The following MAN1C1 variants were observed in gnomAD, a reference collection of about 807,000 sequenced individuals.
MAN1C1 encodes the protein mannosidase alpha class 1C member 1.
MAN1C1 carries 49 observed loss-of-function variants against 71.5 expected under a neutral mutation model. That is an observed-to-expected ratio of 0.69 (90% CI 0.54 to 0.87). The LOEUF is 0.87. MAN1C1 is among the 40% of genes least tolerant of loss of function. The pLI, the probability that MAN1C1 is intolerant of heterozygous loss-of-function variation, is 0.00. For synonymous variants in MAN1C1, 352 were observed against 343.7 expected, an observed-to-expected ratio of 1.02 and a Z score of -0.27; for missense variants, 743 against 835.0, an observed-to-expected ratio of 0.89 and a Z score of 1.36.
intron 1 of MAN1C1, among the ~76,000 whole-genome samples, chr1:25,619,016 AAGC>A (rs1410121984): frequency 6.6e-6 from 1 of 152,236 alleles, no homozygotes; most frequent in Admixed American, 6.5e-5. Flanking sequence ...TGGCATAATG[AAGC>A]AGATCTTGAG....
At chr1:25,702,690 T>C (rs1329632716) in intron 2 of MAN1C1, among the ~76,000 whole-genome samples, 2 of 152,154 alleles carry the variant, frequency 1.3e-5, no homozygotes, top group Non-Finnish European at 2.9e-5. Flanking sequence ...AAAATAGGAA[T>C]TATAGTACCT....
chr1:25,630,587 CTTG>C (rs1376458705), intron 1 of MAN1C1, among the ~76,000 whole-genome samples: 3 of 152,216 alleles, frequency 2.0e-5, no homozygotes, highest in African/African-American at 4.8e-5. Flanking sequence ...CCAGCAGTGT[CTTG>C]TTGTTCTCCT....
At chr1:25,641,145 T>C (rs1572113142) in intron 1 of MAN1C1, among the ~76,000 whole-genome samples, 1 of 152,192 alleles carries the variant, frequency 6.6e-6, no homozygotes, top group East Asian at 1.9e-4. Flanking sequence ...GAACAATGCT[T>C]CCTGGACAGA....
At chr1:25,716,453 C>T (rs2046682564) in intron 2 of MAN1C1, among the ~76,000 whole-genome samples, 1 of 152,200 alleles carries the variant, frequency 6.6e-6, no homozygotes, top group African/African-American at 2.4e-5. Flanking sequence ...CCACCTCAGC[C>T]TTCTGAGCAG....
chr1:25,727,239 C>A (rs921351572), intron 2 of MAN1C1, among the ~76,000 whole-genome samples: 3 of 152,110 alleles, frequency 2.0e-5, no homozygotes, highest in African/African-American at 7.2e-5. Flanking sequence ...CAACACTGCT[C>A]AGGGTGGGGA....
intron 7 of MAN1C1, among the ~76,000 whole-genome samples, chr1:25,770,923 A>G (rs1438004877): frequency 6.6e-6 from 1 of 152,206 alleles, no homozygotes; most frequent in African/African-American, 2.4e-5. Flanking sequence ...TTAATTTTCA[A>G]AGCCTGGGAG....
rs530494133 is a variant in MAN1C1 at position 25,731,819 on chromosome 1, A to G, written c.638-14849A>G. On this transcript the variant is annotated intron_variant, in intron 2 of 11. Coordinates refer to ENST00000374332, the MANE Select transcript of MAN1C1 (RefSeq NM_020379.4). Reference sequence around the variant, plus strand: ...GATTCGTCATGGCCTGATGGAGAGAAGGCCACCTGTCTGGCCTGTGGTCAT... The same window carrying G: ...GATTCGTCATGGCCTGATGGAGAGAGGGCCACCTGTCTGGCCTGTGGTCAT... Among the ~76,000 whole-genome samples the G allele has an allele frequency of 1.3e-4, 20 of 152,324 alleles. No individual in the cohort carries two copies. In the South Asian group the frequency reaches 2.3e-3, roughly 17 times the overall value.
At chr1:25,649,366 A>G (rs944648425) in intron 1 of MAN1C1, among the ~76,000 whole-genome samples, 1 of 152,092 alleles carries the variant, frequency 6.6e-6, no homozygotes, top group Non-Finnish European at 1.5e-5. Context: ...GGAAATCCCA[A>G]ATGTTTCTTA....
intron 1 of MAN1C1, among the ~76,000 whole-genome samples, chr1:25,653,110 C>T (rs188183902): frequency 1.3e-5 from 2 of 151,972 alleles, no homozygotes; most frequent in Admixed American, 6.6e-5. Context: ...AACAAGGTCT[C>T]ACTGTTTCCC....
chr1:25,755,235 A>T (rs1274327547), intron 5 of MAN1C1, among the ~76,000 whole-genome samples: 1 of 152,186 alleles, frequency 6.6e-6, no homozygotes, highest in Non-Finnish European at 1.5e-5. Flanking sequence ...CCGGCCTGGG[A>T]GACTGAGGCA....
intron 2 of MAN1C1, among the ~76,000 whole-genome samples, chr1:25,742,486 G>T (rs567423499): frequency 1.3e-5 from 2 of 152,304 alleles, no homozygotes; most frequent in Admixed American, 6.5e-5. Context: ...ACGTTGCCCT[G>T]CAGGGTGAGA....
In MAN1C1 at chr1:25,694,045, T is replaced by C. The variant is rs74663304; in HGVS notation, c.637+7509T>C. ...GTCCAAGGAAAGAAACAGTGCCTGGTGCAGAGTAGGCTTTCAGTACATTTT... is the reference window on the plus strand; with the variant it reads ...GTCCAAGGAAAGAAACAGTGCCTGGCGCAGAGTAGGCTTTCAGTACATTTT... On this transcript the variant is annotated intron_variant, in intron 2 of 11. Coordinates refer to ENST00000374332, the MANE Select transcript of MAN1C1 (RefSeq NM_020379.4). Among the ~76,000 whole-genome samples the C allele has an allele frequency of 9.7e-3, 1,481 of 152,346 alleles. 27 individuals are homozygous for C. The highest frequency in any genetic ancestry group is 0.032 in the African/African-American group (1,316 of 41,574).
intron 2 of MAN1C1, among the ~76,000 whole-genome samples, chr1:25,726,080 G>T (rs368707495): frequency 6.6e-6 from 1 of 152,220 alleles, no homozygotes; most frequent in Admixed American, 6.5e-5. Context: ...ACACTGCTCC[G>T]ACTGTAGCCC....
At chr1:25,639,298 A>T (rs1212556597) in intron 1 of MAN1C1, among the ~76,000 whole-genome samples, 1 of 152,112 alleles carries the variant, frequency 6.6e-6, no homozygotes, top group Admixed American at 6.6e-5. Context: ...TTTTTAAAAA[A>T]GTTTTTGTTT....
At chr1:25,726,895 A>G (rs2046839152) in intron 2 of MAN1C1, among the ~76,000 whole-genome samples, 1 of 128,348 alleles carries the variant, frequency 7.8e-6, no homozygotes, top group African/African-American at 3.5e-5. Context: ...ATCTCTATTA[A>G]AAAAAAAAAA....
intron 7 of MAN1C1, among the ~76,000 whole-genome samples, chr1:25,770,787 C>T (rs1176690085): frequency 6.6e-6 from 1 of 151,542 alleles, no homozygotes; most frequent in Non-Finnish European, 1.5e-5. Flanking sequence ...TGCCCATTCC[C>T]CCCGCCCCGC....
At position 25,617,972 on chromosome 1, in the gene MAN1C1, C is replaced by G; in HGVS notation, c.175C>G (p.Gln59Glu). 1.2e-6 allele frequency: 2 copies of G among 1,608,386 alleles called. No homozygotes were observed. The highest frequency in any genetic ancestry group is 1.7e-6 in the Non-Finnish European group (2 of 1,178,080). ...GCGCCTCTTCCTGGCCCCCCGGACCCAGCAGCCTGGTCTGGAAGTGGTGGC... is the reference window on the plus strand; with the variant it reads ...GCGCCTCTTCCTGGCCCCCCGGACCGAGCAGCCTGGTCTGGAAGTGGTGGC... ...LKRLFLAPRTQQPGLEVVAEI... is the reference protein window; with the variant it reads ...LKRLFLAPRTEQPGLEVVAEI... Residue 59 changes from glutamine to glutamate, a missense_variant, in exon 1 of 12, where the codon CAG (glutamine) becomes GAG (glutamate). Coordinates refer to ENST00000374332, the MANE Select transcript of MAN1C1 (RefSeq NM_020379.4). This position sits in a 1 kb window ranked among gnomAD's most constrained non-coding sequence, Gnocchi z 5.1.
intron 2 of MAN1C1, among the ~76,000 whole-genome samples, chr1:25,708,594 T>A (rs1038175850): frequency 2.0e-5 from 3 of 152,066 alleles, no homozygotes; most frequent in African/African-American, 7.2e-5. Flanking sequence ...CTATTCAAGA[T>A]GGAGTTGCAG....
chr1:25,628,883 A>G (rs2045338533), intron 1 of MAN1C1, among the ~76,000 whole-genome samples: 2 of 152,208 alleles, frequency 1.3e-5, no homozygotes, highest in African/African-American at 2.4e-5. Context: ...ACTTAGAATA[A>G]TGGCCTCCTG....
Sources: allele counts gnomAD v4.1 joint callset (sites outside exome capture counted in the v4.1 genomes callset), GRCh38; gene constraint gnomAD v4.1.1; non-coding constraint Gnocchi (gnomAD v3.1); transcripts MANE v1.5; gene names NCBI Gene and HGNC (gene_info 2026-07-23, HGNC 2026-07-21).